DCC: variants seen among roughly 807,000 people sequenced by gnomAD.
The protein encoded by DCC is DCC netrin 1 receptor.
A neutral mutation model predicts 172.5 loss-of-function variants in DCC; 58 were observed. That is an observed-to-expected ratio of 0.34 (90% CI 0.27 to 0.42). The LOEUF (loss-of-function observed/expected upper bound fraction) is 0.42. Ranked by LOEUF, DCC falls within the 10% of genes least tolerant of loss-of-function variation. The pLI, the probability that DCC is intolerant of heterozygous loss-of-function variation, is 1.00. For missense variants in DCC, 1,740 were observed against 1,791.0 expected, an observed-to-expected ratio of 0.97 and a Z score of 0.51; for synonymous variants, 709 against 644.5, an observed-to-expected ratio of 1.10 and a Z score of -1.52.
chr18:53,224,797 GA>G (rs1372382952), intron 12 of DCC, among the ~76,000 whole-genome samples: 1 of 152,100 alleles, frequency 6.6e-6, no homozygotes, highest in Admixed American at 6.6e-5. Context: ...TGGTTTAGGG[GA>G]CAATCACTTT....
intron 5 of DCC, among the ~76,000 whole-genome samples, chr18:52,962,979 T>C (rs1036633586): frequency 1.4e-5 from 2 of 146,006 alleles, no homozygotes; most frequent in South Asian, 2.3e-4. Flanking sequence ...GGGGGAAGGA[T>C]AGCATTTGGA....
intron 2 of DCC, among the ~76,000 whole-genome samples, chr18:52,889,013 C>T (rs1015474710): frequency 6.6e-6 from 1 of 151,792 alleles, no homozygotes; most frequent in South Asian, 2.1e-4. Context: ...ATAATATAAC[C>T]AATTTAATTG....
intron 5 of DCC, among the ~76,000 whole-genome samples, chr18:52,983,519 G>T (rs2041243481): frequency 2.0e-5 from 3 of 152,076 alleles, no homozygotes; most frequent in East Asian, 1.9e-4. Context: ...GCTATAAATT[G>T]TCCAAAAGAG....
At chr18:52,835,710 G>T (rs73469515) in intron 2 of DCC, among the ~76,000 whole-genome samples, 1,872 of 152,102 alleles carry the variant, frequency 0.012, 41 homozygotes, top group East Asian at 0.044. Context: ...GTATTTTAAG[G>T]TATATTTCCA....
intron 1 of DCC, among the ~76,000 whole-genome samples, chr18:52,453,678 G>A (rs553611991): frequency 1.8e-4 from 27 of 151,922 alleles, no homozygotes; most frequent in Non-Finnish European, 2.6e-4. Context: ...AGAATACATG[G>A]CAACTGAATT....
At chr18:53,444,519 A>G (rs1912477026) in intron 22 of DCC, among the ~76,000 whole-genome samples, 1 of 152,182 alleles carries the variant, frequency 6.6e-6, no homozygotes, top group Non-Finnish European at 1.5e-5. Context: ...AAGAAAAAAG[A>G]GAGATTGCCA....
intron 12 of DCC, among the ~76,000 whole-genome samples, chr18:53,298,684 A>G (rs2050360536): frequency 6.6e-6 from 1 of 151,906 alleles, no homozygotes; most frequent in African/African-American, 2.4e-5. Flanking sequence ...TTTATTTTTG[A>G]CTTTAAAAAC....
At chr18:52,427,804 T>TTCC (rs1987479114) in intron 1 of DCC, among the ~76,000 whole-genome samples, 1 of 136,836 alleles carries the variant, frequency 7.3e-6, no homozygotes. Flanking sequence ...ACTAACTTTC[T>TTCC]TTTCTTCCTT....
intron 1 of DCC, among the ~76,000 whole-genome samples, chr18:52,404,850 C>T (rs1187108204): frequency 2.9e-5 from 4 of 135,710 alleles, no homozygotes; most frequent in Non-Finnish European, 6.1e-5. Flanking sequence ...GTGTGATATT[C>T]CCCTTCCTGT....
intron 7 of DCC, among the ~76,000 whole-genome samples, chr18:53,128,410 G>A (rs189303952): frequency 1.3e-5 from 2 of 152,122 alleles, no homozygotes; most frequent in Non-Finnish European, 2.9e-5. Context: ...ATATTTGATG[G>A]TAATGCTGAG....
chr18:52,973,672 C>T (rs1228138389), intron 5 of DCC, among the ~76,000 whole-genome samples: 1 of 152,142 alleles, frequency 6.6e-6, no homozygotes. Context: ...GACTGACTTG[C>T]TTCTTGTGGT....
At chr18:52,994,981 C>T (rs376623564) in intron 5 of DCC, among the ~76,000 whole-genome samples, 1 of 152,020 alleles carries the variant, frequency 6.6e-6, no homozygotes, top group East Asian at 1.9e-4. Context: ...ACATAATCCT[C>T]AATTGTATTT....
intron 26 of DCC, among the ~76,000 whole-genome samples, chr18:53,494,251 G>C (rs1191610733): frequency 2.0e-5 from 3 of 152,082 alleles, no homozygotes; most frequent in African/African-American, 7.3e-5. Context: ...CAATTATATG[G>C]TCAATTTTAG....
chr18:53,410,793 T>A, intron 20 of DCC, 147 bp downstream of exon 20: 1 of 671,988 alleles, frequency 1.5e-6, no homozygotes, highest in Non-Finnish European at 2.7e-6. Context: ...TGTAGCTTTT[T>A]ATGCTCAAAG....
chr18:53,199,815 G>A (rs2055507982), intron 9 of DCC, among the ~76,000 whole-genome samples: 1 of 151,918 alleles, frequency 6.6e-6, no homozygotes, highest in Admixed American at 6.6e-5. Flanking sequence ...TTTTATATAT[G>A]AAATATATGT....
Position 53,047,276 on chromosome 18 carries a change from A to ATATATATATAATTT in DCC, c.986-16019_986-16018insATTTTATATATATA, listed in dbSNP as rs1568268051. ...TATATATATATATATATATATATAT[A>ATATATATATAATTT]TATATATATATAATTTTATATATAT... On this transcript the variant is annotated intron_variant, in intron 5 of 28. Transcript: ENST00000442544. Among the ~76,000 whole-genome samples the ATATATATATAATTT allele has an allele frequency of 1.2e-3, 38 of 32,050 alleles. 3 individuals carry two copies. Among genetic ancestry groups the ATATATATATAATTT allele is most frequent in the African/African-American group, 4.7e-3 (37 of 7,828 alleles). 21.0% of individuals were successfully genotyped at this position (32,050 alleles called of 152,430 possible).
At chr18:53,411,455 C>A (rs1909984807) in intron 20 of DCC, among the ~76,000 whole-genome samples, 1 of 152,122 alleles carries the variant, frequency 6.6e-6, no homozygotes, top group South Asian at 2.1e-4. Flanking sequence ...GCTCTTAAAT[C>A]TGTGACCACA....
At chr18:52,771,880 A>AG (rs1454065964) in intron 2 of DCC, among the ~76,000 whole-genome samples, 1 of 145,312 alleles carries the variant, frequency 6.9e-6, no homozygotes, top group East Asian at 1.9e-4. Flanking sequence ...TGAAAAAAAA[A>AG]AAAAAAGAAA....
intron 15 of DCC, among the ~76,000 whole-genome samples, chr18:53,375,149 A>G (rs562976989): frequency 6.6e-6 from 1 of 152,304 alleles, no homozygotes; most frequent in African/African-American, 2.4e-5. Context: ...GCACTTCAGG[A>G]TTGACATCTG....
Sources: allele counts gnomAD v4.1 joint callset (sites outside exome capture counted in the v4.1 genomes callset), GRCh38; gene constraint gnomAD v4.1.1; transcripts MANE v1.5; gene names NCBI Gene and HGNC (gene_info 2026-07-23, HGNC 2026-07-21).